Variants in AEN observed in about 807,000 individuals in gnomAD.
AEN encodes apoptosis-enhancing nuclease.
In AEN, 21 loss-of-function variants were observed where a neutral mutation model predicts 17.7. That is an observed-to-expected ratio of 1.19 (90% CI 0.84 to 1.71). The LOEUF is 1.71. Ranked by LOEUF, AEN falls within the 40% of genes most tolerant of loss-of-function variation. The pLI is 0.00. For missense variants in AEN, 462 were observed against 435.9 expected (o/e 1.06, Z -0.53); for synonymous variants, 190 against 173.0 (o/e 1.10, Z -0.77).
chr15:88,614,032 C>T, the AEN span, among the ~76,000 whole-genome samples: 314 of 152,220 alleles, frequency 2.1e-3, 2 homozygotes, highest in Non-Finnish European at 3.4e-3. Context: ...ATGTATCCTT[C>T]CCCTTCCAGA....
the AEN span, among the ~76,000 whole-genome samples, chr15:88,612,226 G>A: frequency 6.6e-6 from 1 of 152,172 alleles, no homozygotes; most frequent in South Asian, 2.1e-4. Context: ...TATAATGGAG[G>A]CACCTTGTGA....
At chr15:88,621,077 G>A (rs1054172012), upstream of AEN, among the ~76,000 whole-genome samples, 4 of 152,192 alleles carry the variant, frequency 2.6e-5, no homozygotes, top group African/African-American at 9.7e-5. Flanking sequence ...ATTGGAGCCG[G>A]GGAACACTGA....
At chr15:88,621,860 T>C (rs539235520) in intron 1 of AEN, 1 of 152,318 alleles carries the variant, frequency 6.6e-6, no homozygotes, top group East Asian at 1.9e-4. Context: ...TCCGCGCTCT[T>C]TTTAAAAATC....
At chr15:88,607,899 G>C in the AEN span, among the ~76,000 whole-genome samples, 1 of 152,074 alleles carries the variant, frequency 6.6e-6, no homozygotes, top group Non-Finnish European at 1.5e-5. Context: ...CTTCCCTTTA[G>C]ACCAGACCAG....
rs61752779 is a variant in AEN, at chr15:88,626,723, G to A, written c.514G>A (p.Val172Ile). 8 of 1,611,126 alleles carry A rather than the reference G, an allele frequency of 5.0e-6. No individual in the cohort carries two copies. Among genetic ancestry groups the A allele is most frequent in the Non-Finnish European group, 6.8e-6 (8 of 1,179,966 alleles). The stretch of plus-strand genomic sequence containing the variant: ...CACTCGGCAGCACATGCGCAAGGCT[G>A]TCCCCTTCCAGGTGGCCCAGAAAGA... ...GITRQHMRKA[V>I]PFQVAQKEIL... Residue 172 changes from valine to isoleucine, a missense_variant, in exon 2 of 4, where the codon GTC becomes ATC. Transcript: ENST00000332810.
At chr15:88,613,450 C>A in the AEN span, among the ~76,000 whole-genome samples, 1 of 152,246 alleles carries the variant, frequency 6.6e-6, no homozygotes, top group South Asian at 2.1e-4. Context: ...GGGAGAGAAG[C>A]CCAGATTGGG....
chr15:88,618,227 G>A (rs1433231414), upstream of AEN, among the ~76,000 whole-genome samples: 1 of 139,002 alleles, frequency 7.2e-6, no homozygotes, highest in East Asian at 2.1e-4. Flanking sequence ...TTTTTTATTT[G>A]ACATAATATG....
the AEN span, among the ~76,000 whole-genome samples, chr15:88,615,290 C>T: frequency 6.6e-6 from 1 of 152,116 alleles, no homozygotes; most frequent in African/African-American, 2.4e-5. Context: ...ATAAAACTCC[C>T]CTCGATCAAA....
At chr15:88,618,009 C>A (rs1223709680), upstream of AEN, among the ~76,000 whole-genome samples, 1 of 152,146 alleles carries the variant, frequency 6.6e-6, no homozygotes, top group Non-Finnish European at 1.5e-5. Flanking sequence ...CCCACCCTGT[C>A]ACTCTCGTTC....
intron 1 of AEN, among the ~76,000 whole-genome samples, chr15:88,622,639 A>G (rs1377061563): frequency 6.7e-6 from 1 of 148,290 alleles, no homozygotes; most frequent in Non-Finnish European, 1.5e-5. Flanking sequence ...GAACAGAACA[A>G]GAGATTTCAC....
chr15:88,616,596 AT>A (rs1375831404), upstream of AEN, among the ~76,000 whole-genome samples: 2 of 152,218 alleles, frequency 1.3e-5, no homozygotes, highest in African/African-American at 4.8e-5. Context: ...CCCTTACTGA[AT>A]ACCTGGGACA....
chr15:88,620,742 G>A (rs553182105), upstream of AEN, among the ~76,000 whole-genome samples: 1 of 152,182 alleles, frequency 6.6e-6, no homozygotes, highest in South Asian at 2.1e-4. Flanking sequence ...TAACCTTGCT[G>A]TTTCCCTGCT....
At chr15:88,624,299 A>C (rs2057823872) in intron 1 of AEN, among the ~76,000 whole-genome samples, 1 of 152,118 alleles carries the variant, frequency 6.6e-6, no homozygotes, top group African/African-American at 2.4e-5. Context: ...GCGGAACAGT[A>C]GCTGAGTCTG....
intron 3 of AEN, 103 bp downstream of exon 3, chr15:88,629,529 A>T (rs186401614): frequency 2.5e-5 from 34 of 1,382,338 alleles, no homozygotes; most frequent in East Asian, 7.0e-5. Flanking sequence ...CCTCCTTGTC[A>T]TTCTCTTCCC....
chr15:88,626,312 C>T lies in AEN; in HGVS notation c.103C>T (p.Arg35Ter), dbSNP rs199532354. 4.8e-5 allele frequency: 77 copies of T among 1,613,476 alleles called. No homozygotes were observed. Among genetic ancestry groups the T allele is most frequent in the Admixed American group, 1.7e-4 (10 of 59,998 alleles). ...TCGGAAGAGGCACAAGAGAAGGAGC[C>T]GACAGCACCAGCGGTTCATGGCCCG... The part of the protein sequence containing the change: ...VLRKRHKRRS[R>*]QHQRFMARKA... The change falls in exon 2 of 4, where the codon CGA (arginine) becomes TGA (stop). Residue 35 changes from arginine to a stop codon, truncating the protein, a stop_gained. Transcript: ENST00000332810. LOFTEE classifies it high-confidence loss of function.
chr15:88,605,873 G>T, the AEN span, among the ~76,000 whole-genome samples: 1 of 152,244 alleles, frequency 6.6e-6, no homozygotes, highest in Non-Finnish European at 1.5e-5. The surrounding 1 kb of genome is among the most constrained non-coding windows in gnomAD (Gnocchi z 7.6). Context: ...GCCTGCGCAC[G>T]GCTCGGCCTC....
In AEN at chr15:88,629,276, C is replaced by G. The variant is rs150266648; in HGVS notation, c.591C>G (p.Asn197Lys). ...GKVVVGHALH[N>K]DFQALKYVHP... ...TGGTGGTGGGGCACGCGCTGCACAA[C>G]GACTTCCAGGCGCTCAAGTATGTCC... The change falls in exon 3 of 4, where the codon AAC becomes AAG. Residue 197 changes from asparagine (N) to lysine (K), a missense_variant. Asn to Lys is a moderately conservative substitution (Grantham distance 94). Coordinates refer to ENST00000332810, the MANE Select transcript of AEN (RefSeq NM_022767.4). 5.6e-6 allele frequency: 9 copies of G among 1,614,142 alleles called. No homozygotes were observed. The highest frequency in any genetic ancestry group is 7.6e-6 in the Non-Finnish European group (9 of 1,180,016).
rs957501412 is a variant in AEN at position 88,626,418 on chromosome 15, C to T, written c.209C>T (p.Ala70Val). ...GSSPLPTPFG[A>V]ATATEAASSG... ...TCCCCACTGCCCACCCCTTTCGGGG[C>T]AGCGACAGCAACTGAAGCTGCCAGC... The change falls in exon 2 of 4, where the codon GCA becomes GTA. Residue 70 changes from alanine (A) to valine (V), a missense_variant. Ala to Val is a moderately conservative substitution (Grantham distance 64). Coordinates refer to ENST00000332810, the MANE Select transcript of AEN (RefSeq NM_022767.4). 1 of 1,612,902 alleles carries T rather than the reference C, an allele frequency of 6.2e-7. No individual in the cohort carries two copies. Among genetic ancestry groups the T allele is most frequent in the Non-Finnish European group, 8.5e-7 (1 of 1,179,620 alleles).
intron 3 of AEN, 68 bp from the exon 4 acceptor site, chr15:88,629,990 C>T: frequency 2.0e-6 from 3 of 1,509,776 alleles, no homozygotes; most frequent in Non-Finnish European, 2.7e-6. Flanking sequence ...GGAAACTGGC[C>T]TTGCTTCTTG....
Sources: gnomAD v4.1 joint callset for allele counts (sites outside exome capture counted in the v4.1 genomes callset) on GRCh38, gnomAD v4.1.1 for gene constraint, Gnocchi (gnomAD v3.1) non-coding constraint, MANE v1.5 for transcripts, NCBI Gene and HGNC (gene_info 2026-07-23, HGNC 2026-07-21) for gene names.